Variants in ATL2 observed in about 807,000 individuals in gnomAD.
The protein encoded by ATL2 is atlastin GTPase 2.
A neutral mutation model predicts 73.9 loss-of-function variants in ATL2; 31 were observed. That is an observed-to-expected ratio of 0.42 (90% CI 0.32 to 0.57). The LOEUF (loss-of-function observed/expected upper bound fraction) is 0.57, where lower values mean the gene tolerates loss of function less well. Ranked by LOEUF, ATL2 falls within the 20% of genes least tolerant of loss-of-function variation. The pLI is 0.14. For synonymous variants in ATL2, 291 were observed against 237.5 expected (o/e 1.23, Z -2.07); for missense variants, 738 against 702.6 (o/e 1.05, Z -0.57).
chr2:38,326,887 C>A (rs1043484160), intron 2 of ATL2, among the ~76,000 whole-genome samples: 1 of 152,044 alleles, frequency 6.6e-6, no homozygotes, highest in African/African-American at 2.4e-5. Context: ...ACTTGGGAGG[C>A]TGAGGCAGGA....
At chr2:38,370,031 G>C (rs974044057) in intron 1 of ATL2, among the ~76,000 whole-genome samples, 1 of 150,608 alleles carries the variant, frequency 6.6e-6, no homozygotes, top group Admixed American at 6.6e-5. Flanking sequence ...GCGGGCGCCT[G>C]TAGTCCCAGG....
intron 12 of ATL2, chr2:38,296,726 AAAG>A (rs750908226): frequency 2.1e-4 from 331 of 1,551,812 alleles, no homozygotes; most frequent in Middle Eastern, 5.0e-4. Flanking sequence ...AGAGAAATGC[AAAG>A]AAATTTAGAC....
intron 1 of ATL2, among the ~76,000 whole-genome samples, chr2:38,370,150 CAAAA>C (rs962952444): frequency 2.3e-5 from 1 of 43,918 alleles, no homozygotes; most frequent in Non-Finnish European, 4.1e-5. Context: ...GAGACTCCGT[CAAAA>C]AAAAAAAAAA....
At chr2:38,346,571 A>T (rs1156347448) in intron 1 of ATL2, among the ~76,000 whole-genome samples, 1 of 152,208 alleles carries the variant, frequency 6.6e-6, no homozygotes, top group Non-Finnish European at 1.5e-5. Context: ...TGGTTTCAGG[A>T]TAAAACTGTT....
chr2:38,374,285 G>A (rs1197727419), intron 1 of ATL2, among the ~76,000 whole-genome samples: 1 of 152,188 alleles, frequency 6.6e-6, no homozygotes, highest in African/African-American at 2.4e-5. Context: ...AACTACTAAA[G>A]TAATGAATTC....
intron 6 of ATL2, 35 bp downstream of exon 6, chr2:38,314,573 G>A: frequency 6.7e-7 from 1 of 1,492,504 alleles, no homozygotes; most frequent in Admixed American, 1.7e-5. Context: ...ACTTCTCATA[G>A]GCTAATCTTT....
At chr2:38,376,811 G>T (rs925908507) in intron 1 of ATL2, among the ~76,000 whole-genome samples, 11 of 151,586 alleles carry the variant, frequency 7.3e-5, no homozygotes, top group Non-Finnish European at 1.3e-4. Context: ...AGGCGGCCAC[G>T]GCTCAAGGCC....
At chr2:38,361,556 T>C (rs1016181449) in intron 1 of ATL2, among the ~76,000 whole-genome samples, 3 of 152,128 alleles carry the variant, frequency 2.0e-5, no homozygotes, top group African/African-American at 7.2e-5. Flanking sequence ...AGAAAGGTTA[T>C]TGGGTGAACC....
chr2:38,328,014 A>G (rs997401603), intron 2 of ATL2, among the ~76,000 whole-genome samples: 11 of 152,238 alleles, frequency 7.2e-5, no homozygotes, highest in Non-Finnish European at 5.9e-5. Flanking sequence ...TCCACTTTAC[A>G]AAGACAGACA....
At chr2:38,362,032 C>T (rs538842779) in intron 1 of ATL2, among the ~76,000 whole-genome samples, 1 of 152,086 alleles carries the variant, frequency 6.6e-6, no homozygotes, top group African/African-American at 2.4e-5. Context: ...AGTGATACAG[C>T]CATAGAAAGG....
At position 38,337,909 on chromosome 2, in the gene ATL2, T is replaced by C. The variant is rs924566149; in HGVS notation, c.363+5359A>G. Among the ~76,000 whole-genome samples, 9 of 152,180 alleles carry C rather than the reference T, an allele frequency of 5.9e-5. No homozygotes were observed. In the East Asian group the frequency reaches 1.2e-3, roughly 19 times the overall value. ...CTTATCTAGGAGAATTTAGTAATAA[T>C]AGCTATCACCATTACTTAGCATCAA... On this transcript the variant is annotated intron_variant, in intron 2 of 12. Transcript: ENST00000378954.
intron 12 of ATL2, among the ~76,000 whole-genome samples, chr2:38,296,877 G>A (rs1317499042): frequency 6.6e-6 from 1 of 152,116 alleles, no homozygotes; most frequent in African/African-American, 2.4e-5. Flanking sequence ...TAGAATCAAT[G>A]CTGTTTAAGA....
intron 1 of ATL2, among the ~76,000 whole-genome samples, chr2:38,344,819 T>A (rs1669929796): frequency 6.6e-6 from 1 of 152,138 alleles, no homozygotes; most frequent in Non-Finnish European, 1.5e-5. Flanking sequence ...CATTTATATC[T>A]CAGAATTTCA....
chr2:38,338,995 C>T (rs1669536788), intron 2 of ATL2, among the ~76,000 whole-genome samples: 1 of 152,108 alleles, frequency 6.6e-6, no homozygotes, highest in African/African-American at 2.4e-5. Context: ...CGGGCAGAAT[C>T]ACCTGAGGTC....
At chr2:38,341,361 G>C (rs1669707813) in intron 2 of ATL2, among the ~76,000 whole-genome samples, 1 of 152,146 alleles carries the variant, frequency 6.6e-6, no homozygotes, top group South Asian at 2.1e-4. Flanking sequence ...CTTTAGCTGA[G>C]CATGGTGGCT....
At chr2:38,331,515 C>G (rs1470812733) in intron 2 of ATL2, among the ~76,000 whole-genome samples, 1 of 145,454 alleles carries the variant, frequency 6.9e-6, no homozygotes, top group Non-Finnish European at 1.5e-5. Flanking sequence ...AAGGCTGAAG[C>G]AGGAGAACTG....
chr2:38,296,263 T>C, intron 12 of ATL2, 150 bp from the exon 13 acceptor site: 3 of 1,435,342 alleles, frequency 2.1e-6, no homozygotes, highest in Admixed American at 2.9e-5. Flanking sequence ...AAAAAACTTA[T>C]GATGCTACTA....
At chr2:38,323,214 C>T (rs892085738) in intron 2 of ATL2, among the ~76,000 whole-genome samples, 5 of 152,058 alleles carry the variant, frequency 3.3e-5, no homozygotes, top group African/African-American at 1.2e-4. Context: ...CTATTTACTA[C>T]TATGGAGACA....
chr2:38,299,404 T>G, intron 10 of ATL2, 77 bp from the exon 11 acceptor site: 2 of 1,403,744 alleles, frequency 1.4e-6, no homozygotes, highest in Non-Finnish European at 1.9e-6. Context: ...CAATAAGTTA[T>G]GTACAATAAA....
Sources: gnomAD v4.1 joint callset for allele counts (sites outside exome capture counted in the v4.1 genomes callset) on GRCh38, gnomAD v4.1.1 for gene constraint, MANE v1.5 for transcripts, NCBI Gene and HGNC (gene_info 2026-07-23, HGNC 2026-07-21) for gene names.